The following AK5 variants were observed in gnomAD, a reference collection of about 807,000 sequenced individuals.
AK5 encodes the protein adenylate kinase 5.
In AK5, 27 loss-of-function variants were observed where a neutral mutation model predicts 69.5. That is an observed-to-expected ratio of 0.39 (90% CI 0.29 to 0.54). The LOEUF is 0.54. Ranked by LOEUF, AK5 falls within the 20% of genes least tolerant of loss-of-function variation. AK5 has a pLI of 0.71. For missense variants in AK5, 531 were observed against 700.4 expected, an observed-to-expected ratio of 0.76 and a Z score of 2.73; for synonymous variants, 260 against 244.4, an observed-to-expected ratio of 1.06 and a Z score of -0.60.
chr1:77,504,300 C>A (rs1272187681), intron 10 of AK5, among the ~76,000 whole-genome samples: 3 of 152,058 alleles, frequency 2.0e-5, no homozygotes, highest in Non-Finnish European at 4.4e-5. Flanking sequence ...GATTTCTTTT[C>A]TTTTTACAAA....
intron 6 of AK5, among the ~76,000 whole-genome samples, chr1:77,380,450 T>TC (rs1423171550): frequency 5.3e-5 from 8 of 152,184 alleles, no homozygotes; most frequent in Non-Finnish European, 1.2e-4. Flanking sequence ...CACTCTACCA[T>TC]TCCCCACATT....
intron 10 of AK5, among the ~76,000 whole-genome samples, chr1:77,496,872 A>C (rs574223631): frequency 9.9e-5 from 15 of 152,168 alleles, no homozygotes; most frequent in African/African-American, 3.6e-4. Context: ...ACCAATCAGC[A>C]CTCTGTAAAA....
At chr1:77,457,656 C>A (rs1010866447) in intron 8 of AK5, among the ~76,000 whole-genome samples, 8 of 151,628 alleles carry the variant, frequency 5.3e-5, no homozygotes, top group Non-Finnish European at 1.0e-4. Context: ...TCTAAATTTT[C>A]TTTGTCTGTT....
At chr1:77,378,719 A>G (rs1647410430) in intron 6 of AK5, among the ~76,000 whole-genome samples, 1 of 152,240 alleles carries the variant, frequency 6.6e-6, no homozygotes, top group South Asian at 2.1e-4. Context: ...ATGTGAAAAA[A>G]ATATGCAGAT....
intron 13 of AK5, 144 bp from the exon 14 acceptor site, chr1:77,558,457 TC>T: frequency 1.8e-6 from 1 of 559,160 alleles, no homozygotes. Context: ...AAACTACTCT[TC>T]ACTTTTTTCT....
intron 6 of AK5, 24 bp downstream of exon 6, chr1:77,340,592 G>C (rs1350050831): frequency 6.2e-7 from 1 of 1,605,326 alleles, no homozygotes; most frequent in Admixed American, 1.7e-5. Context: ...ACTTTTACAA[G>C]TCCAATACAA....
chr1:77,436,810 T>C (rs375032843), intron 8 of AK5, among the ~76,000 whole-genome samples: 4 of 152,246 alleles, frequency 2.6e-5, no homozygotes, highest in African/African-American at 9.6e-5. Flanking sequence ...GGCTAATTCC[T>C]TGTTAGCCGT....
intron 9 of AK5, among the ~76,000 whole-genome samples, chr1:77,485,373 T>G (rs1325351274): frequency 1.3e-5 from 2 of 152,190 alleles, no homozygotes; most frequent in African/African-American, 4.8e-5. Context: ...CTCAGCTGAT[T>G]GTGAATTCCT....
At chr1:77,466,879 A>G (rs913644161) in intron 8 of AK5, among the ~76,000 whole-genome samples, 1 of 152,218 alleles carries the variant, frequency 6.6e-6, no homozygotes, top group African/African-American at 2.4e-5. Flanking sequence ...GGACCAAAAC[A>G]TTCAAACCAT....
At chr1:77,369,555 A>G (rs1647080738) in intron 6 of AK5, among the ~76,000 whole-genome samples, 1 of 152,140 alleles carries the variant, frequency 6.6e-6, no homozygotes, top group African/African-American at 2.4e-5. Flanking sequence ...CATCACATGT[A>G]TTAATCTTTT....
intron 13 of AK5, among the ~76,000 whole-genome samples, chr1:77,552,375 T>TA (rs1659863905): frequency 1.3e-5 from 2 of 152,218 alleles, no homozygotes; most frequent in African/African-American, 4.8e-5. Flanking sequence ...AAGCCTCCCT[T>TA]ACCGTGCTTT....
At chr1:77,471,045 T>C (rs1654475840) in intron 8 of AK5, among the ~76,000 whole-genome samples, 1 of 150,992 alleles carries the variant, frequency 6.6e-6, no homozygotes, top group South Asian at 2.1e-4. Context: ...CATGCCTGGC[T>C]AATTTTTTTT....
intron 8 of AK5, among the ~76,000 whole-genome samples, chr1:77,428,016 C>T (rs1007283165): frequency 3.9e-5 from 6 of 152,186 alleles, no homozygotes; most frequent in African/African-American, 1.4e-4. Flanking sequence ...GACCCAAACA[C>T]CTCTCATAGG....
intron 8 of AK5, among the ~76,000 whole-genome samples, chr1:77,429,177 A>C (rs1651424687): frequency 6.6e-6 from 1 of 152,204 alleles, no homozygotes; most frequent in Non-Finnish European, 1.5e-5. Context: ...GAATCGCCAC[A>C]CTGACTTCCA....
chr1:77,371,059 G>A (rs1647112394), intron 6 of AK5, among the ~76,000 whole-genome samples: 1 of 152,214 alleles, frequency 6.6e-6, no homozygotes, highest in African/African-American at 2.4e-5. Flanking sequence ...TGCTGACCCA[G>A]AGAGGATGTG....
chr1:77,298,281 A>T (rs953502029), intron 5 of AK5, among the ~76,000 whole-genome samples: 1 of 152,020 alleles, frequency 6.6e-6, no homozygotes, highest in African/African-American at 2.4e-5. Context: ...CTGTCCAGGG[A>T]TGCAAAACAT....
chr1:77,389,596 T>C (rs1648276139), intron 6 of AK5, among the ~76,000 whole-genome samples: 1 of 152,172 alleles, frequency 6.6e-6, no homozygotes. Context: ...AATAGGAAAT[T>C]TGTGAAAATT....
intron 10 of AK5, among the ~76,000 whole-genome samples, chr1:77,488,582 G>T (rs1004184463): frequency 1.3e-5 from 2 of 152,146 alleles, no homozygotes; most frequent in Admixed American, 1.3e-4. Flanking sequence ...TAACTTACGT[G>T]ATCACAAGGT....
intron 6 of AK5, among the ~76,000 whole-genome samples, chr1:77,370,972 AC>A (rs1168965632): frequency 3.3e-5 from 5 of 152,184 alleles, no homozygotes; most frequent in African/African-American, 1.2e-4. Context: ...AGTCTTTCTT[AC>A]CAGTTATGCT....
Sources: allele counts gnomAD v4.1 joint callset (sites outside exome capture counted in the v4.1 genomes callset), GRCh38; gene constraint gnomAD v4.1.1; transcripts MANE v1.5; gene names NCBI Gene and HGNC (gene_info 2026-07-23, HGNC 2026-07-21).